Variants in PTPRG observed in about 807,000 individuals in gnomAD.
PTPRG encodes protein tyrosine phosphatase receptor type G.
Under a neutral mutation model 165.3 loss-of-function variants are expected in PTPRG, and 102 were observed. That is an observed-to-expected ratio of 0.62 (90% CI 0.53 to 0.73). The LOEUF is 0.73. Ranked by LOEUF, PTPRG falls within the 30% of genes least tolerant of loss-of-function variation. The pLI is 0.00. For missense variants in PTPRG, 1,866 were observed against 1,861.4 expected (o/e 1.00, Z -0.05); for synonymous variants, 675 against 669.5 (o/e 1.01, Z -0.13).
intron 5 of PTPRG, among the ~76,000 whole-genome samples, chr3:62,122,160 T>C (rs1189436193): frequency 6.6e-6 from 1 of 152,202 alleles, no homozygotes; most frequent in Non-Finnish European, 1.5e-5. Flanking sequence ...AACATAGCTT[T>C]ACTGAGACCC....
chr3:61,942,608 CTTTT>C (rs2039659069), intron 2 of PTPRG, among the ~76,000 whole-genome samples: 1 of 152,272 alleles, frequency 6.6e-6, no homozygotes, highest in South Asian at 2.1e-4. Flanking sequence ...CATGAATTCA[CTTTT>C]TTTAAGAGAT....
chr3:62,286,551 G>C (rs1413437555), intron 28 of PTPRG, among the ~76,000 whole-genome samples: 1 of 63,010 alleles, frequency 1.6e-5, no homozygotes, highest in Non-Finnish European at 3.0e-5. Context: ...AATGAATATA[G>C]ACAGAGCACT....
At chr3:62,265,879 T>C (rs1281377027) in intron 17 of PTPRG, among the ~76,000 whole-genome samples, 1 of 62,828 alleles carries the variant, frequency 1.6e-5, no homozygotes. Context: ...CACACACGTA[T>C]ACATCTGTGC....
intron 2 of PTPRG, among the ~76,000 whole-genome samples, chr3:61,949,729 GTTTT>G (rs200304116): frequency 0.31 from 44,843 of 143,464 alleles, 7,682 homozygotes; most frequent in East Asian, 0.52. Flanking sequence ...TGGATTCTTT[GTTTT>G]TTTTTTTTTT....
At chr3:62,272,012 T>C (rs1702084274) in intron 21 of PTPRG, among the ~76,000 whole-genome samples, 1 of 152,098 alleles carries the variant, frequency 6.6e-6, no homozygotes, top group Non-Finnish European at 1.5e-5. Flanking sequence ...GAAGGATCCC[T>C]TGAACCCAGT....
intron 2 of PTPRG, among the ~76,000 whole-genome samples, chr3:61,943,986 C>T (rs556258958): frequency 5.3e-4 from 80 of 151,774 alleles, no homozygotes; most frequent in Admixed American, 9.8e-4. Flanking sequence ...ACTTTTTTTT[C>T]GTTGAATATA....
intron 10 of PTPRG, among the ~76,000 whole-genome samples, chr3:62,198,105 A>C (rs1700012949): frequency 6.6e-6 from 1 of 152,244 alleles, no homozygotes. Flanking sequence ...AACACTATTT[A>C]GGTTGTATGT....
intron 1 of PTPRG, among the ~76,000 whole-genome samples, chr3:61,693,643 TG>T (rs1025673727): frequency 1.3e-5 from 2 of 152,012 alleles, no homozygotes; most frequent in African/African-American, 4.8e-5. Flanking sequence ...TGTTCAGGGC[TG>T]GGGAGGGAGA....
At chr3:62,092,442 A>AAAAAAG (rs1701973171) in intron 5 of PTPRG, among the ~76,000 whole-genome samples, 1 of 139,930 alleles carries the variant, frequency 7.1e-6, no homozygotes, top group South Asian at 2.1e-4. Flanking sequence ...TCCATCTGAA[A>AAAAAAG]AAAAAAAAAA....
rs373528886 is a variant in PTPRG at position 61,682,883 on chromosome 3, G to A, written c.86-65995G>A. On this transcript the variant is annotated intron_variant, in intron 1 of 29. Coordinates refer to ENST00000474889, the MANE Select transcript of PTPRG (RefSeq NM_002841.4). ...TTCTGTTTTGTGCAAATGCCCCAGG[G>A]TAATAAAATTTAAAACCAGAAAAAG... is the stretch of plus-strand genomic sequence containing the variant. Among the ~76,000 whole-genome samples the A allele has an allele frequency of 6.1e-4, 93 of 152,316 alleles. No individual in the cohort carries two copies. In the South Asian group the frequency reaches 8.7e-3, roughly 14 times the overall value.
intron 1 of PTPRG, among the ~76,000 whole-genome samples, chr3:61,631,080 A>T (rs1701763127): frequency 6.6e-6 from 1 of 151,892 alleles, no homozygotes; most frequent in African/African-American, 2.4e-5. Context: ...AGAAAAAAAA[A>T]GTTTTTTTTT....
chr3:62,098,735 G>GGTTC (rs909352333), intron 5 of PTPRG, among the ~76,000 whole-genome samples: 1 of 152,160 alleles, frequency 6.6e-6, no homozygotes, highest in Admixed American at 6.5e-5. Context: ...TGAGTGGACA[G>GGTTC]GTTCTGTGAA....
At chr3:61,742,319 T>C in intron 1 of PTPRG, 1 of 596,632 alleles carries the variant, frequency 1.7e-6, no homozygotes, top group Non-Finnish European at 2.9e-6. Flanking sequence ...ATGAGGCACG[T>C]AGGAAACAGT....
At chr3:62,034,464 G>A (rs1351718943) in intron 4 of PTPRG, among the ~76,000 whole-genome samples, 1 of 152,228 alleles carries the variant, frequency 6.6e-6, no homozygotes, top group Non-Finnish European at 1.5e-5. Context: ...CAGAACTTGC[G>A]TGAGGTCTGA....
chr3:62,177,168 C>A (rs918769854), intron 8 of PTPRG, among the ~76,000 whole-genome samples: 8 of 152,056 alleles, frequency 5.3e-5, no homozygotes, highest in Admixed American at 3.9e-4. Flanking sequence ...CCTGTAGTCC[C>A]TAAGCTACTC....
At chr3:61,946,282 A>G (rs1279544941) in intron 2 of PTPRG, among the ~76,000 whole-genome samples, 1 of 152,232 alleles carries the variant, frequency 6.6e-6, no homozygotes, top group Non-Finnish European at 1.5e-5. Context: ...GCAACTCTAC[A>G]ATTGGCAGGA....
intron 2 of PTPRG, among the ~76,000 whole-genome samples, chr3:61,914,542 T>G (rs1460287048): frequency 6.6e-6 from 1 of 152,218 alleles, no homozygotes; most frequent in African/African-American, 2.4e-5. Flanking sequence ...CGTTCCGAGT[T>G]TAAGCATCTG....
chr3:61,876,243 C>G lies in PTPRG; in HGVS notation c.191-113382C>G, dbSNP rs1016262617. Among the ~76,000 whole-genome samples, 12 of 152,254 alleles carry G rather than the reference C, an allele frequency of 7.9e-5. 1 individual carries two copies. In the Middle Eastern group the frequency reaches 0.014, roughly 173 times the overall value. On this transcript the variant is annotated intron_variant, in intron 2 of 29. Transcript: ENST00000474889. The stretch of plus-strand genomic sequence containing the variant: ...GTGATCTGTACTCCTTTGTCAAGAT[C>G]ATGAGAGACAGGAGACTGAAGAACT...
intron 18 of PTPRG, 76 bp from the exon 19 acceptor site, chr3:62,267,609 T>C (rs917862030): frequency 6.5e-7 from 1 of 1,548,466 alleles, no homozygotes; most frequent in Non-Finnish European, 8.8e-7. Flanking sequence ...CCATTCAATA[T>C]GGAAGGCATT....
Sources: gnomAD v4.1 joint callset for allele counts (sites outside exome capture counted in the v4.1 genomes callset) on GRCh38, gnomAD v4.1.1 for gene constraint, MANE v1.5 for transcripts, NCBI Gene and HGNC (gene_info 2026-07-23, HGNC 2026-07-21) for gene names.